ST18: variants seen among roughly 807,000 people sequenced by gnomAD.
ST18 encodes the protein suppression of tumorigenicity 18 protein.
Under a neutral mutation model 110.0 loss-of-function variants are expected in ST18, and 50 were observed. The observed-to-expected ratio is 0.45, with a 90% CI of 0.36 to 0.58. The LOEUF (loss-of-function observed/expected upper bound fraction) is 0.58. Among genes scored for constraint, ST18 ranks in the 20% least tolerant of loss-of-function variants. The pLI is 0.00. For missense variants in ST18, 1,306 were observed against 1,280.1 expected (o/e 1.02, Z -0.31); for synonymous variants, 461 against 452.4 (o/e 1.02, Z -0.24).
chr8:52,380,356 A>T, intron 2 of ST18, among the ~76,000 whole-genome samples: 1 of 152,138 alleles, frequency 6.6e-6, no homozygotes, highest in Non-Finnish European at 1.5e-5. Context: ...GCACACGAAA[A>T]TATGTGTTAA....
chr8:52,124,180 ATTT>A (rs11299061), intron 23 of ST18, among the ~76,000 whole-genome samples: 1 of 147,790 alleles, frequency 6.8e-6, no homozygotes. Context: ...TTTTGAATTA[ATTT>A]TTTTTTTTTT....
intron 2 of ST18, among the ~76,000 whole-genome samples, chr8:52,400,789 T>G (rs550291637): frequency 2.6e-5 from 4 of 152,290 alleles, no homozygotes; most frequent in South Asian, 2.1e-4. Flanking sequence ...AGCAACTTAA[T>G]GTAGCCACAG....
At chr8:52,183,124 A>G (rs1293212074) in intron 8 of ST18, among the ~76,000 whole-genome samples, 2 of 152,194 alleles carry the variant, frequency 1.3e-5, no homozygotes, top group African/African-American at 4.8e-5. Flanking sequence ...ATAAGGACAT[A>G]GATGTGGGTG....
intron 2 of ST18, among the ~76,000 whole-genome samples, chr8:52,368,929 TCTC>T (rs1451381990): frequency 2.0e-5 from 3 of 152,092 alleles, no homozygotes; most frequent in South Asian, 2.1e-4. Context: ...GGGGCACTCT[TCTC>T]CTCCTCTTAC....
rs2063214213 is a variant in ST18 at position 52,166,944 on chromosome 8, G to A, written c.1112C>T (p.Pro371Leu). The A allele has an allele frequency of 3.7e-6, 6 of 1,612,354 alleles. No homozygotes were observed. Among genetic ancestry groups the A allele is most frequent in the Non-Finnish European group, 4.2e-6 (5 of 1,178,638 alleles). ...PEKRETKCPI[P>L]GCDGTGHVTG... The stretch of plus-strand genomic sequence containing the variant: ...CACGTGTCCCGTGCCATCACATCCA[G>A]GGATCGGGCACTTGGTCTCCCTCTT... Residue 371 changes from proline (P) to leucine (L), a missense_variant, in exon 11 of 26, where the codon CCT becomes CTT. Physicochemically the swap from Pro to Leu is moderately conservative, Grantham distance 98. Coordinates refer to ENST00000689386, the MANE Select transcript of ST18 (RefSeq NM_001352837.2).
intron 8 of ST18, among the ~76,000 whole-genome samples, chr8:52,191,523 C>A (rs540203044): frequency 2.6e-5 from 4 of 152,166 alleles, no homozygotes; most frequent in South Asian, 4.1e-4. Flanking sequence ...ACCACAGTGG[C>A]GGGAGTACCT....
At chr8:52,141,430 T>C (rs1006458725) in intron 17 of ST18, among the ~76,000 whole-genome samples, 1 of 152,138 alleles carries the variant, frequency 6.6e-6, no homozygotes, top group Non-Finnish European at 1.5e-5. Context: ...AGAGGTTGCA[T>C]AGTAAATATT....
chr8:52,393,164 C>T (rs999868884), intron 2 of ST18, among the ~76,000 whole-genome samples: 18 of 152,128 alleles, frequency 1.2e-4, no homozygotes, highest in African/African-American at 4.1e-4. Context: ...CCACTTTCTG[C>T]TTACTCCAAG....
intron 2 of ST18, among the ~76,000 whole-genome samples, chr8:52,308,427 C>T (rs1480813048): frequency 2.0e-5 from 3 of 152,202 alleles, no homozygotes; most frequent in Admixed American, 6.5e-5. Flanking sequence ...TAGATATGGG[C>T]TCAGACAAGC....
intron 2 of ST18, among the ~76,000 whole-genome samples, chr8:52,257,271 T>C (rs2094555371): frequency 6.6e-6 from 1 of 152,234 alleles, no homozygotes; most frequent in Non-Finnish European, 1.5e-5. Flanking sequence ...TGTGGACATA[T>C]GTTTTTATTT....
At chr8:52,357,644 T>C (rs532212087) in intron 2 of ST18, among the ~76,000 whole-genome samples, 1 of 136,682 alleles carries the variant, frequency 7.3e-6, no homozygotes, top group Non-Finnish European at 1.6e-5. Context: ...ATTATAAACA[T>C]ATTTACACAT....
At chr8:52,171,626 A>C in intron 10 of ST18, 166 bp downstream of exon 10, 2 of 784,328 alleles carry the variant, frequency 2.5e-6, no homozygotes, top group Non-Finnish European at 4.3e-6. Flanking sequence ...AGGATAATCT[A>C]GAGAGTGGGG....
intron 2 of ST18, among the ~76,000 whole-genome samples, chr8:52,399,094 A>C (rs1192239400): frequency 6.6e-6 from 1 of 151,896 alleles, no homozygotes; most frequent in East Asian, 1.9e-4. Flanking sequence ...AAGGTTTTTA[A>C]CTACTTCTTT....
chr8:52,166,846 A>T lies in ST18; in HGVS notation c.1204+6T>A. On this transcript the variant is annotated splice_donor_region_variant and intron_variant, in intron 11 of 25. Transcript: ENST00000689386. ...GCAGAAGCTTTGAGGGACAAGTGGT[A>T]CTCACTTTCCAGGGGAACCCGCACT... 1.3e-6 allele frequency: 2 copies of T among 1,572,230 alleles called. No individual in the cohort carries two copies. The highest frequency in any genetic ancestry group is 1.7e-6 in the Non-Finnish European group (2 of 1,151,316).
intron 2 of ST18, among the ~76,000 whole-genome samples, chr8:52,359,395 C>T (rs1247387161): frequency 6.6e-6 from 1 of 152,024 alleles, no homozygotes; most frequent in Non-Finnish European, 1.5e-5. Context: ...GCAAAGAAAG[C>T]GAACCTGCCA....
chr8:52,209,788 A>AAT (rs55960327), intron 8 of ST18, among the ~76,000 whole-genome samples: 2,610 of 105,454 alleles, frequency 0.025, 91 homozygotes, highest in African/African-American at 0.055. Flanking sequence ...AAAAAAAAAA[A>AAT]ATATATATAT....
intron 2 of ST18, among the ~76,000 whole-genome samples, chr8:52,307,652 C>A (rs10958313): frequency 1.3e-5 from 2 of 152,112 alleles, no homozygotes; most frequent in East Asian, 3.9e-4. Flanking sequence ...TAATCCCTGT[C>A]AAGATTTTGA....
At chr8:52,226,068 T>C (rs2089271806) in intron 3 of ST18, among the ~76,000 whole-genome samples, 1 of 152,156 alleles carries the variant, frequency 6.6e-6, no homozygotes, top group East Asian at 1.9e-4. Context: ...AAGAACTCCT[T>C]GGGTTAGATG....
intron 2 of ST18, among the ~76,000 whole-genome samples, chr8:52,275,840 A>G (rs973350575): frequency 2.0e-5 from 3 of 152,000 alleles, no homozygotes; most frequent in Admixed American, 1.3e-4. Context: ...AAACAACTGG[A>G]AGTCCCCTAA....
Sources: allele counts gnomAD v4.1 joint callset (sites outside exome capture counted in the v4.1 genomes callset), GRCh38; gene constraint gnomAD v4.1.1; transcripts MANE v1.5; gene names NCBI Gene and HGNC (gene_info 2026-07-23, HGNC 2026-07-21).